Variants in OLA1 observed in about 807,000 individuals in gnomAD.
OLA1 encodes obg-like ATPase 1.
A neutral mutation model predicts 48.4 loss-of-function variants in OLA1; 14 were observed. The ratio of observed to expected loss-of-function variants is 0.29; its 90% confidence interval spans 0.19 to 0.45. The LOEUF (loss-of-function observed/expected upper bound fraction) is 0.45, where lower values mean the gene tolerates loss of function less well. Ranked by LOEUF, OLA1 falls within the 20% of genes least tolerant of loss-of-function variation. The pLI, the probability that OLA1 is intolerant of heterozygous loss-of-function variation, is 1.00. For synonymous variants in OLA1, 127 were observed against 150.4 expected (o/e 0.84, Z 1.14); for missense variants, 325 against 467.1 (o/e 0.70, Z 2.80).
intron 7 of OLA1, among the ~76,000 whole-genome samples, chr2:174,122,112 T>C (rs1232750397): frequency 1.3e-5 from 2 of 152,208 alleles, no homozygotes; most frequent in East Asian, 3.8e-4. Context: ...ACTGACCAGC[T>C]GAATGAAATC....
In OLA1 at chr2:174,078,913, T is replaced by C. The variant is rs965093824; in HGVS notation, c.1089+55A>G. ...AATTATCATTCATTTTTATCATGACTAACTTCGCATCAGTGGAAACATTGT... is the reference window on the plus strand; with the variant it reads ...AATTATCATTCATTTTTATCATGACCAACTTCGCATCAGTGGAAACATTGT... On this transcript the variant is annotated intron_variant, in intron 10 of 10. Coordinates refer to ENST00000284719, the MANE Select transcript of OLA1 (RefSeq NM_013341.5). 1.7e-5 allele frequency: 26 copies of C among 1,532,898 alleles called. No individual in the cohort carries two copies. The Admixed American group carries it at 1.8e-4, about 11-fold the overall frequency. The allele number at this position is 1,532,898 out of a possible 1,614,324, so 95.0% of individuals were successfully genotyped here. A position where few individuals can be genotyped will look rare whatever the true frequency, so the allele number is the denominator to read the frequency against.
chr2:174,100,862 AT>A (rs1307817433), intron 7 of OLA1, among the ~76,000 whole-genome samples: 1 of 152,022 alleles, frequency 6.6e-6, no homozygotes, highest in Non-Finnish European at 1.5e-5. Context: ...TGCTCTGTGT[AT>A]TTTCTTGGTG....
intron 4 of OLA1, among the ~76,000 whole-genome samples, chr2:174,162,024 T>C (rs1204873386): frequency 6.6e-6 from 1 of 151,984 alleles, no homozygotes; most frequent in African/African-American, 2.4e-5. Context: ...TGATCCTACA[T>C]GTAGAAGGCT....
At chr2:174,170,129 A>G (rs1185211657) in intron 4 of OLA1, among the ~76,000 whole-genome samples, 1 of 152,236 alleles carries the variant, frequency 6.6e-6, no homozygotes, top group Non-Finnish European at 1.5e-5. Flanking sequence ...GCTACTCCAG[A>G]GGCTGAGGCA....
chr2:174,117,655 A>G (rs1441829402), intron 7 of OLA1, among the ~76,000 whole-genome samples: 1 of 152,180 alleles, frequency 6.6e-6, no homozygotes, highest in Non-Finnish European at 1.5e-5. Flanking sequence ...CGGTAGAGAC[A>G]AATAATGCTC....
intron 4 of OLA1, among the ~76,000 whole-genome samples, chr2:174,143,735 T>G (rs954665160): frequency 6.6e-6 from 1 of 152,160 alleles, no homozygotes; most frequent in African/African-American, 2.4e-5. Flanking sequence ...CCTCTGATGA[T>G]CTAAAAGAAT....
chr2:174,226,283 A>G (rs1343363284), intron 3 of OLA1, among the ~76,000 whole-genome samples: 1 of 152,062 alleles, frequency 6.6e-6, no homozygotes, highest in Non-Finnish European at 1.5e-5. Context: ...TATTAATACA[A>G]TATCTCAAAA....
intron 7 of OLA1, among the ~76,000 whole-genome samples, chr2:174,101,852 A>G (rs576123659): frequency 6.6e-6 from 1 of 152,246 alleles, no homozygotes; most frequent in Admixed American, 6.5e-5. Flanking sequence ...AATATCATAT[A>G]TAAAAGAAGA....
rs35782392 is a variant in OLA1, at chr2:174,197,432, G to GT, written c.373+25600dup. Among the ~76,000 whole-genome samples, 1,106 of 148,636 alleles carry GT rather than the reference G, an allele frequency of 7.4e-3. 12 individuals carry two copies. The highest frequency in any genetic ancestry group is 0.024 in the African/African-American group (978 of 40,584). ...GTTGTTTTGATGTTGTTGGTTTGTT[G>GT]TTTTTTTTTTTTATGAGAATAATTC... On this transcript the variant is annotated intron_variant, in intron 4 of 10. Transcript: ENST00000284719.
Position 174,073,722 on chromosome 2 carries a change from G to T in OLA1, c.*1704C>A, listed in dbSNP as rs1340513444. 6.6e-6 allele frequency: 1 copy of T among 152,018 alleles called. No individual in the cohort carries two copies. Among genetic ancestry groups the T allele is most frequent in the Non-Finnish European group, 1.5e-5 (1 of 68,000 alleles). 9.4% of individuals were successfully genotyped at this position (152,018 alleles called of 1,614,324 possible). A position where few individuals can be genotyped will look rare whatever the true frequency, so the allele number is the denominator to read the frequency against. On this transcript the variant is annotated 3_prime_UTR_variant, in exon 11 of 11. Transcript: ENST00000284719. ...TAAGAAGTCCATGCAATTTACTTTG[G>T]AGAAGACCCAAAAGCAAGATATTTG...
intron 7 of OLA1, among the ~76,000 whole-genome samples, chr2:174,084,808 C>T (rs761556033): frequency 6.6e-6 from 1 of 152,128 alleles, no homozygotes; most frequent in Non-Finnish European, 1.5e-5. Context: ...GCCATTCTGC[C>T]GAAGTGCCTG....
intron 2 of OLA1, among the ~76,000 whole-genome samples, chr2:174,236,043 C>T (rs532612464): frequency 5.9e-5 from 9 of 152,154 alleles, no homozygotes; most frequent in Admixed American, 2.0e-4. Flanking sequence ...AACAATTAAT[C>T]TGATACATAA....
intron 3 of OLA1, among the ~76,000 whole-genome samples, chr2:174,227,920 T>G (rs983053500): frequency 1.3e-5 from 2 of 152,218 alleles, no homozygotes; most frequent in Non-Finnish European, 2.9e-5. Flanking sequence ...ATATACTTTG[T>G]AATTAGAACT....
At chr2:174,100,799 C>T (rs1179786199) in intron 7 of OLA1, among the ~76,000 whole-genome samples, 3 of 152,186 alleles carry the variant, frequency 2.0e-5, no homozygotes, top group South Asian at 4.2e-4. Flanking sequence ...GGAACATTTC[C>T]ACAGAAAGTT....
At chr2:174,095,960 CATA>C (rs1685245010) in intron 7 of OLA1, among the ~76,000 whole-genome samples, 1 of 151,866 alleles carries the variant, frequency 6.6e-6, no homozygotes. Flanking sequence ...TAGCAATAAA[CATA>C]ATAAAAAGAT....
At chr2:174,180,562 T>C (rs1294085102) in intron 4 of OLA1, among the ~76,000 whole-genome samples, 2 of 152,218 alleles carry the variant, frequency 1.3e-5, no homozygotes, top group African/African-American at 2.4e-5. Flanking sequence ...GACAGCAGGA[T>C]GCAGTATAAT....
At chr2:174,163,388 A>G (rs772205414) in intron 4 of OLA1, among the ~76,000 whole-genome samples, 4 of 152,108 alleles carry the variant, frequency 2.6e-5, no homozygotes, top group South Asian at 2.1e-4. Flanking sequence ...AATCAATTTT[A>G]TTAATTAAAA....
intron 1 of OLA1, chr2:174,248,138 G>A (rs1194257229): frequency 1.7e-5 from 3 of 171,792 alleles, no homozygotes; most frequent in South Asian, 2.7e-4. Context: ...CGGGTCCTCT[G>A]GCCTACAGAG....
At chr2:174,102,778 T>C (rs1685425918) in intron 7 of OLA1, among the ~76,000 whole-genome samples, 1 of 152,218 alleles carries the variant, frequency 6.6e-6, no homozygotes, top group Non-Finnish European at 1.5e-5. Context: ...ATTGGTATCA[T>C]TTGTCTACAG....
Sources: gnomAD v4.1 joint callset for allele counts (sites outside exome capture counted in the v4.1 genomes callset) on GRCh38, gnomAD v4.1.1 for gene constraint, MANE v1.5 for transcripts, NCBI Gene and HGNC (gene_info 2026-07-23, HGNC 2026-07-21) for gene names.